CLVS1: variants seen among roughly 807,000 people sequenced by gnomAD.
CLVS1 encodes clavesin 1, also known as clavesin-1.
In CLVS1, 10 loss-of-function variants were observed where a neutral mutation model predicts 33.1. The observed-to-expected ratio is 0.30, with a 90% CI of 0.19 to 0.51. The LOEUF (loss-of-function observed/expected upper bound fraction) is 0.51. Among genes scored for constraint, CLVS1 ranks in the 20% least tolerant of loss-of-function variants. CLVS1 has a pLI of 0.97. For synonymous variants in CLVS1, 163 were observed against 166.1 expected, an observed-to-expected ratio of 0.98 and a Z score of 0.14; for missense variants, 343 against 433.4, an observed-to-expected ratio of 0.79 and a Z score of 1.85.
intron 2 of CLVS1, among the ~76,000 whole-genome samples, chr8:61,278,559 A>G (rs1009486377): frequency 9.9e-5 from 15 of 152,230 alleles, no homozygotes; most frequent in Non-Finnish European, 1.8e-4. Flanking sequence ...ACTTTCCAAG[A>G]TCTCTGCTAG....
chr8:60,991,572 T>C, the CLVS1 span, among the ~76,000 whole-genome samples: 1 of 152,260 alleles, frequency 6.6e-6, no homozygotes, highest in South Asian at 2.1e-4. Context: ...ACGGCCACAG[T>C]CTGCTTCTGT....
intron 1 of CLVS1, among the ~76,000 whole-genome samples, chr8:61,125,891 C>G (rs1805959718): frequency 6.6e-6 from 1 of 151,972 alleles, no homozygotes; most frequent in Non-Finnish European, 1.5e-5. Flanking sequence ...GCTCTTAATT[C>G]ATATTAAAAC....
the CLVS1 span, among the ~76,000 whole-genome samples, chr8:61,027,113 T>A: frequency 6.6e-6 from 1 of 152,124 alleles, no homozygotes; most frequent in Admixed American, 6.5e-5. Context: ...ATGATTACCA[T>A]CATCTCATGC....
chr8:61,144,523 G>T (rs933691897), intron 2 of CLVS1, among the ~76,000 whole-genome samples: 1 of 152,068 alleles, frequency 6.6e-6, no homozygotes, highest in Non-Finnish European at 1.5e-5. Flanking sequence ...ACATATGTGT[G>T]CATGTATCTT....
intron 3 of CLVS1, among the ~76,000 whole-genome samples, chr8:61,451,748 G>C (rs1340924734): frequency 6.6e-6 from 1 of 151,906 alleles, no homozygotes; most frequent in Non-Finnish European, 1.5e-5. Flanking sequence ...TTGACCATGA[G>C]AGGGGTGTGT....
intron 3 of CLVS1, among the ~76,000 whole-genome samples, chr8:61,420,053 C>T (rs1452544306): frequency 6.6e-6 from 1 of 152,170 alleles, no homozygotes; most frequent in Non-Finnish European, 1.5e-5. Flanking sequence ...CTTTCAATAA[C>T]TTTCCTCCCT....
chr8:61,241,174 C>A (rs1425244602), intron 2 of CLVS1, among the ~76,000 whole-genome samples: 2 of 152,094 alleles, frequency 1.3e-5, no homozygotes, highest in African/African-American at 4.8e-5. Flanking sequence ...TGGAGGTATA[C>A]AAACATTTAG....
At chr8:61,005,468 C>A in the CLVS1 span, among the ~76,000 whole-genome samples, 2 of 150,494 alleles carry the variant, frequency 1.3e-5, no homozygotes, top group African/African-American at 4.9e-5. Flanking sequence ...AGCACATGAG[C>A]TTTACAGCAG....
rs541253133 is a variant in CLVS1, at chr8:61,416,749, C to A, written c.631-37392C>A. Among the ~76,000 whole-genome samples, 9 of 152,286 alleles carry A rather than the reference C, an allele frequency of 5.9e-5. No individual in the cohort carries two copies. In the South Asian group the frequency reaches 1.5e-3, roughly 25 times the overall value. ...AATGGAAAAGGGGTAACCTGAGCAA[C>A]CATGGAAACCTTCCTTGATGCAGTT... is the stretch of plus-strand genomic sequence containing the variant. On this transcript the variant is annotated intron_variant, in intron 3 of 5. Coordinates refer to ENST00000325897, the MANE Select transcript of CLVS1 (RefSeq NM_173519.3).
At chr8:61,375,628 T>C (rs761318804) in intron 2 of CLVS1, among the ~76,000 whole-genome samples, 16 of 152,208 alleles carry the variant, frequency 1.1e-4, no homozygotes, top group Non-Finnish European at 1.0e-4. Context: ...ATGCTCAAGA[T>C]TCTGATTGTT....
At chr8:61,106,449 G>A (rs769944629) in intron 1 of CLVS1, among the ~76,000 whole-genome samples, 1 of 152,208 alleles carries the variant, frequency 6.6e-6, no homozygotes, top group Non-Finnish European at 1.5e-5. Context: ...AAGCTGGGAC[G>A]GAAAAACAAT....
chr8:61,327,293 A>G (rs1811420289), intron 2 of CLVS1, among the ~76,000 whole-genome samples: 1 of 152,188 alleles, frequency 6.6e-6, no homozygotes, highest in African/African-American at 2.4e-5. Flanking sequence ...GAGCATAAAC[A>G]CCTATAGATA....
intron 1 of CLVS1, chr8:61,292,583 C>A (rs902046796): frequency 3.0e-6 from 1 of 328,858 alleles, no homozygotes; most frequent in Non-Finnish European, 6.0e-6. Context: ...GTTTTCCTTT[C>A]TCTTCCCATT....
intron 2 of CLVS1, among the ~76,000 whole-genome samples, chr8:61,134,369 G>A (rs1806153888): frequency 1.3e-5 from 2 of 152,136 alleles, no homozygotes; most frequent in Admixed American, 6.5e-5. Context: ...GTACCTAATG[G>A]CCAGATCTGA....
At chr8:61,034,574 A>G in the CLVS1 span, among the ~76,000 whole-genome samples, 1 of 152,060 alleles carries the variant, frequency 6.6e-6, no homozygotes, top group Non-Finnish European at 1.5e-5. Context: ...CTCTGCTTGT[A>G]TGCATTCGAT....
chr8:61,401,939 C>G (rs2129603581), intron 3 of CLVS1, among the ~76,000 whole-genome samples: 1 of 152,202 alleles, frequency 6.6e-6, no homozygotes, highest in South Asian at 2.1e-4. Context: ...TATTTTCATG[C>G]TAGAATTAAA....
At chr8:61,401,195 A>G (rs1814735331) in intron 3 of CLVS1, among the ~76,000 whole-genome samples, 2 of 151,608 alleles carry the variant, frequency 1.3e-5, no homozygotes, top group Admixed American at 6.6e-5. Flanking sequence ...AGGATTTTAT[A>G]CATACTAGAT....
intron 1 of CLVS1, among the ~76,000 whole-genome samples, chr8:61,130,419 A>G (rs992585614): frequency 1.3e-4 from 20 of 152,128 alleles, no homozygotes; most frequent in Non-Finnish European, 2.4e-4. Context: ...CAAGCATTTT[A>G]TGGACAGTTA....
chr8:61,493,828 C>G (rs1011189367), intron 5 of CLVS1, among the ~76,000 whole-genome samples: 1 of 152,092 alleles, frequency 6.6e-6, no homozygotes, highest in African/African-American at 2.4e-5. Flanking sequence ...TGATGTTGGT[C>G]CTGGAAAACA....
Sources: gnomAD v4.1 joint callset for allele counts (sites outside exome capture counted in the v4.1 genomes callset) on GRCh38, gnomAD v4.1.1 for gene constraint, MANE v1.5 for transcripts, NCBI Gene and HGNC (gene_info 2026-07-23, HGNC 2026-07-21) for gene names.